Variants in SCLT1 observed in about 807,000 individuals in gnomAD.
SCLT1 encodes the protein sodium channel and clathrin linker 1, also known as sodium channel-associated protein 1.
In SCLT1, 78 loss-of-function variants were observed where a neutral mutation model predicts 112.8. That is an observed-to-expected ratio of 0.69 (90% CI 0.58 to 0.83). The LOEUF (loss-of-function observed/expected upper bound fraction) is 0.83, where lower values mean the gene tolerates loss of function less well. Ranked by LOEUF, SCLT1 falls within the 40% of genes least tolerant of loss-of-function variation. The pLI is 0.00. For synonymous variants in SCLT1, 257 were observed against 254.7 expected (o/e 1.01, Z -0.09); for missense variants, 747 against 770.4 (o/e 0.97, Z 0.36).
intron 5 of SCLT1, among the ~76,000 whole-genome samples, chr4:129,015,099 G>T (rs1744872150): frequency 6.6e-6 from 1 of 152,094 alleles, no homozygotes; most frequent in Non-Finnish European, 1.5e-5. Flanking sequence ...GGGTGGGACT[G>T]GCTGGCTCTG....
intron 5 of SCLT1, among the ~76,000 whole-genome samples, chr4:129,010,048 T>C (rs1230932604): frequency 1.3e-5 from 2 of 152,260 alleles, no homozygotes; most frequent in Admixed American, 1.3e-4. Context: ...TGGTATTGCC[T>C]AAGTTGTCTT....
chr4:128,901,507 A>G (rs1480289591), intron 18 of SCLT1, among the ~76,000 whole-genome samples: 2 of 108,582 alleles, frequency 1.8e-5, no homozygotes, highest in South Asian at 3.9e-4. Flanking sequence ...AACATCACAC[A>G]CCAGGGCCTA....
intron 9 of SCLT1, among the ~76,000 whole-genome samples, chr4:128,982,429 AT>A (rs769079836): frequency 6.6e-6 from 1 of 152,194 alleles, no homozygotes; most frequent in Non-Finnish European, 1.5e-5. Context: ...AAATAAATTG[AT>A]TGGACAAATT....
intron 2 of SCLT1, among the ~76,000 whole-genome samples, chr4:129,059,851 T>A (rs938816395): frequency 6.6e-6 from 1 of 152,176 alleles, no homozygotes; most frequent in African/African-American, 2.4e-5. Context: ...TAAGTCTCAT[T>A]GGGGATGTTT....
chr4:128,917,034 C>A (rs1735532398), intron 18 of SCLT1, among the ~76,000 whole-genome samples: 1 of 152,170 alleles, frequency 6.6e-6, no homozygotes, highest in Admixed American at 6.5e-5. Flanking sequence ...CCAGAAACAG[C>A]CACTACGCCG....
intron 2 of SCLT1, among the ~76,000 whole-genome samples, chr4:129,076,117 G>A (rs573652173): frequency 4.6e-5 from 7 of 152,050 alleles, no homozygotes; most frequent in Non-Finnish European, 1.0e-4. Context: ...TCTTTCATAG[G>A]ATACTGTAAT....
At chr4:129,005,609 A>T (rs981981510) in intron 5 of SCLT1, among the ~76,000 whole-genome samples, 1 of 152,124 alleles carries the variant, frequency 6.6e-6, no homozygotes, top group African/African-American at 2.4e-5. Context: ...TCAGTGTGGC[A>T]ATTCCTCAGG....
At chr4:129,027,657 G>C (rs1437859509) in intron 5 of SCLT1, among the ~76,000 whole-genome samples, 2 of 152,086 alleles carry the variant, frequency 1.3e-5, no homozygotes, top group African/African-American at 2.4e-5. Flanking sequence ...ATTCAACATA[G>C]TGTTGGAAGT....
intron 5 of SCLT1, chr4:128,874,135 G>A (rs990950874): frequency 6.6e-6 from 1 of 152,572 alleles, no homozygotes; most frequent in African/African-American, 2.4e-5. Flanking sequence ...AATCCAAGTT[G>A]TATATTCACT....
chr4:128,928,704 T>C (rs778906789), intron 18 of SCLT1, among the ~76,000 whole-genome samples: 1 of 151,994 alleles, frequency 6.6e-6, no homozygotes, highest in Non-Finnish European at 1.5e-5. Flanking sequence ...TGGTGGTGCA[T>C]GCCTGTAATC....
chr4:128,874,905 A>C (rs923831019), intron 4 of SCLT1: 13 of 152,536 alleles, frequency 8.5e-5, no homozygotes, highest in Admixed American at 2.0e-4. Context: ...GTTGTGTACA[A>C]ATCTTATTTT....
At chr4:128,999,602 C>T (rs928815945) in intron 7 of SCLT1, 70 bp downstream of exon 7, 4 of 1,154,964 alleles carry the variant, frequency 3.5e-6, no homozygotes. Context: ...TAAGCGTTCC[C>T]CTCTAAAACA....
intron 18 of SCLT1, among the ~76,000 whole-genome samples, chr4:128,922,526 A>G (rs1735965924): frequency 6.6e-6 from 1 of 152,168 alleles, no homozygotes; most frequent in South Asian, 2.1e-4. Flanking sequence ...TGGAGGCCAC[A>G]GTCCTAAGTG....
intron 18 of SCLT1, among the ~76,000 whole-genome samples, chr4:128,913,147 C>T (rs777847080): frequency 3.0e-4 from 45 of 152,162 alleles, no homozygotes; most frequent in Admixed American, 4.6e-4. Flanking sequence ...CATGTTGCTA[C>T]GTTCGGCATT....
intron 5 of SCLT1, among the ~76,000 whole-genome samples, chr4:129,031,029 A>G (rs562530945): frequency 2.8e-4 from 43 of 152,274 alleles, no homozygotes; most frequent in African/African-American, 1.0e-3. Flanking sequence ...TTTCAGGCCA[A>G]TATCCCTGAT....
intron 4 of SCLT1, chr4:128,874,618 T>C (rs1300118172): frequency 6.6e-6 from 1 of 152,630 alleles, no homozygotes; most frequent in Non-Finnish European, 1.5e-5. Flanking sequence ...AGTATAATGA[T>C]AGCTTTGTGA....
At position 128,970,404 on chromosome 4, in the gene SCLT1, C is replaced by G. The variant is rs371493509; in HGVS notation, c.751G>C (p.Asp251His). ...TTCTTTTTCATCTGTCCCTGCAGAT[C>G]TTCAGTCACATTAGTTAACTCTTCC... ...KVEELTNVTE[D>H]LQGQMKKKEK... Residue 251 changes from aspartate to histidine, a missense_variant, in exon 10 of 21, where the codon GAT (aspartate) becomes CAT (histidine). This residue lies in a region of SCLT1 where 723 missense variants were observed against 721.3 expected (regional missense o/e 1.00). Transcript: ENST00000281142. The G allele has an allele frequency of 4.4e-6, 7 of 1,602,448 alleles. No homozygotes were observed. The highest frequency in any genetic ancestry group is 1.3e-5 in the African/African-American group (1 of 74,680).
At chr4:129,077,314 T>C (rs1302503626) in intron 2 of SCLT1, among the ~76,000 whole-genome samples, 1 of 152,120 alleles carries the variant, frequency 6.6e-6, no homozygotes, top group Non-Finnish European at 1.5e-5. Flanking sequence ...TCCAATATCA[T>C]AAAAAGACTG....
chr4:129,055,958 GCA>G (rs1343891890), intron 2 of SCLT1, among the ~76,000 whole-genome samples: 1 of 152,162 alleles, frequency 6.6e-6, no homozygotes, highest in Non-Finnish European at 1.5e-5. Context: ...CTCCTGATCT[GCA>G]GATTGCAGAA....
Sources: allele counts gnomAD v4.1 joint callset (sites outside exome capture counted in the v4.1 genomes callset), GRCh38; gene constraint gnomAD v4.1.1; regional missense constraint gnomAD v4.1.1; transcripts MANE v1.5; gene names NCBI Gene and HGNC (gene_info 2026-07-23, HGNC 2026-07-21).